Variants in MRNIP observed in about 807,000 individuals in gnomAD.
The protein encoded by MRNIP is MRN complex interacting protein.
A neutral mutation model predicts 29.8 loss-of-function variants in MRNIP; 30 were observed. That is an observed-to-expected ratio of 1.01 (90% CI 0.75 to 1.36). The LOEUF (loss-of-function observed/expected upper bound fraction) is 1.36, where lower values mean the gene tolerates loss of function less well. Ranked by LOEUF, MRNIP falls within the 40% of genes most tolerant of loss-of-function variation. MRNIP has a pLI of 0.00. For synonymous variants in MRNIP, 201 were observed against 164.1 expected (o/e 1.23, Z -1.72); for missense variants, 459 against 423.5 (o/e 1.08, Z -0.74).
chr5:179,843,059 A>AGGGAGGGAGGGAGGGAGGG (rs1758976134), intron 4 of MRNIP, among the ~76,000 whole-genome samples: 1 of 119,892 alleles, frequency 8.3e-6, no homozygotes, highest in Non-Finnish European at 1.8e-5. Context: ...GGAAGGAAGG[A>AGGGAGGGAGGGAGGGAGGG]AGGGAGGGAG....
At chr5:179,850,288 C>T (rs1759316816) in intron 2 of MRNIP, among the ~76,000 whole-genome samples, 3 of 152,246 alleles carry the variant, frequency 2.0e-5, no homozygotes, top group Admixed American at 2.0e-4. Flanking sequence ...ATGGCACAGG[C>T]AGAATCAGCT....
At chr5:179,849,115 C>T (rs1486145423) in intron 2 of MRNIP, among the ~76,000 whole-genome samples, 1 of 147,194 alleles carries the variant, frequency 6.8e-6, no homozygotes. Context: ...AATTTGAGAC[C>T]ATGGGTCCTG....
At chr5:179,849,017 T>G (rs1276782203) in intron 2 of MRNIP, among the ~76,000 whole-genome samples, 1 of 144,240 alleles carries the variant, frequency 6.9e-6, no homozygotes, top group Non-Finnish European at 1.5e-5. Context: ...TTTGAGACCA[T>G]GGGTCCTGCT....
rs750738928 is a variant in MRNIP, at chr5:179,848,021, T to G, written c.172A>C (p.Lys58Gln). Reference sequence around the variant, plus strand: ...ACTTGTCCCTGTAGTAGATTTAACTTTTGGACATGGCGTCTACAATCAGCA... The same window carrying G: ...ACTTGTCCCTGTAGTAGATTTAACTGTTGGACATGGCGTCTACAATCAGCA... Reference protein sequence around the residue: ...SGADCRRHVQKLNLLQGQVSE... With the variant: ...SGADCRRHVQQLNLLQGQVSE... Residue 58 changes from lysine to glutamine, a missense_variant, in exon 3 of 7, where the codon AAG (lysine) becomes CAG (glutamine). Coordinates refer to ENST00000292586, the MANE Select transcript of MRNIP (RefSeq NM_016175.4). 10 of 1,613,860 alleles carry G rather than the reference T, an allele frequency of 6.2e-6. No homozygotes were observed. The highest frequency in any genetic ancestry group is 8.5e-6 in the Non-Finnish European group (10 of 1,179,952).
chr5:179,843,241 C>T (rs1288077909), intron 4 of MRNIP, among the ~76,000 whole-genome samples: 8 of 152,080 alleles, frequency 5.3e-5, no homozygotes, highest in Admixed American at 4.6e-4. Context: ...GCCTGGGTGA[C>T]AGAGAGGGAC....
Position 179,844,313 on chromosome 5 carries a change from G to A in MRNIP, c.216-86C>T, listed in dbSNP as rs1759035939. 1.1e-5 allele frequency: 12 copies of A among 1,115,274 alleles called. No individual in the cohort carries two copies. In the Admixed American group the frequency reaches 2.1e-4, roughly 20 times the overall value. 69.1% of individuals were successfully genotyped at this position (1,115,274 alleles called of 1,614,324 possible). A position where few individuals can be genotyped will look rare whatever the true frequency, so the allele number is the denominator to read the frequency against. On this transcript the variant is annotated intron_variant, in intron 3 of 6. Transcript: ENST00000292586. ...CACTCCTGTAATCCCAGCACTTTGG[G>A]AGGCTGAGGCAGGTGGATCACCTGA... is the stretch of plus-strand genomic sequence containing the variant.
At position 179,847,978 on chromosome 5, in the gene MRNIP, C is replaced by G. The variant is rs1289547489; in HGVS notation, c.215G>C (p.Arg72Thr). 3 of 1,604,284 alleles carry G rather than the reference C, an allele frequency of 1.9e-6. No individual in the cohort carries two copies. The highest frequency in any genetic ancestry group is 4.5e-5 in the East Asian group (2 of 44,852). ...LQGQVSELPL[R>T]SLEETVSASE... ...CCACGCTCTTCTCAAACAACTGTAC[C>G]TGAGTGGCAGCTCTGAAACTTGTCC... The change falls in exon 3 of 7, where the codon AGG becomes ACG. Residue 72 changes from arginine to threonine, a missense_variant and splice_region_variant. Arg to Thr is a moderately conservative substitution (Grantham distance 71, BLOSUM62 -1). Transcript: ENST00000292586.
intron 1 of MRNIP, among the ~76,000 whole-genome samples, chr5:179,856,142 A>G (rs984352195): frequency 2.0e-5 from 3 of 151,724 alleles, no homozygotes; most frequent in African/African-American, 7.3e-5. Context: ...TCCTGACCTC[A>G]TGATCTGCCC....
chr5:179,852,995 C>G (rs1405456742), intron 2 of MRNIP, among the ~76,000 whole-genome samples: 1 of 152,192 alleles, frequency 6.6e-6, no homozygotes, highest in Non-Finnish European at 1.5e-5. Context: ...TCTCACAGTC[C>G]CCAGTGCTTT....
At chr5:179,852,782 C>T (rs1759423181) in intron 2 of MRNIP, among the ~76,000 whole-genome samples, 1 of 152,202 alleles carries the variant, frequency 6.6e-6, no homozygotes, top group South Asian at 2.1e-4. Flanking sequence ...GCAAAGGATG[C>T]AGGACAGTTT....
chr5:179,858,711 G>T lies in MRNIP; in HGVS notation c.66+20C>A. On this transcript the variant is annotated intron_variant, in intron 1 of 6. Coordinates refer to ENST00000292586, the MANE Select transcript of MRNIP (RefSeq NM_016175.4). ...TGTCCCCGCGCCGGAGGAGGAGGAG[G>T]GGGCTGGCACCCGCCAGACCTGGTG... 1 of 1,456,716 alleles carries T rather than the reference G, an allele frequency of 6.9e-7. No homozygotes were observed. The highest frequency in any genetic ancestry group is 9.2e-7 in the Non-Finnish European group (1 of 1,084,380). The allele number at this position is 1,456,716 out of a possible 1,614,324, so 90.2% of individuals were successfully genotyped here.
At chr5:179,853,320 C>T in intron 2 of MRNIP, 58 bp downstream of exon 2, 1 of 1,604,760 alleles carries the variant, frequency 6.2e-7, no homozygotes, top group Non-Finnish European at 8.5e-7. Flanking sequence ...GCTGGGACTC[C>T]CTGGAAGGGC....
chr5:179,851,442 G>C, intron 2 of MRNIP: 1 of 456,054 alleles, frequency 2.2e-6, no homozygotes, highest in Non-Finnish European at 4.4e-6. Flanking sequence ...GAAACAGAAA[G>C]GGAAGGAGAG....
chr5:179,847,198 C>T (rs1427043169), intron 3 of MRNIP: 6 of 109,126 alleles, frequency 5.5e-5, no homozygotes, highest in South Asian at 3.2e-4. Context: ...GAGATAGTCT[C>T]GTTCTGTCGC....
rs1380074659 is a variant in MRNIP, at chr5:179,842,083, A to T, written c.292-19T>A. 6 of 1,612,702 alleles carry T rather than the reference A, an allele frequency of 3.7e-6. No homozygotes were observed. The highest frequency in any genetic ancestry group is 4.2e-6 in the Non-Finnish European group (5 of 1,179,570). On this transcript the variant is annotated intron_variant, in intron 4 of 6. Transcript: ENST00000292586. ...ATTTTTCCTGCCAGATTGAGAAAAA[A>T]GTTGATTCTCAGTACTGGAAACCAG...
chr5:179,855,631 G>A (rs1182612566), intron 1 of MRNIP, among the ~76,000 whole-genome samples: 1 of 152,140 alleles, frequency 6.6e-6, no homozygotes, highest in African/African-American at 2.4e-5. Flanking sequence ...ATGTTACCAA[G>A]GGATACCAAG....
chr5:179,854,496 C>G (rs1759502863), intron 1 of MRNIP, among the ~76,000 whole-genome samples: 1 of 152,124 alleles, frequency 6.6e-6, no homozygotes, highest in African/African-American at 2.4e-5. Context: ...GAAACACAAT[C>G]AAATTGGGCT....
intron 6 of MRNIP, chr5:179,839,980 T>G (rs1456694688): frequency 6.7e-6 from 1 of 148,588 alleles, no homozygotes; most frequent in African/African-American, 2.5e-5. Flanking sequence ...TTTTTTTTTC[T>G]GTTGCCCAGG....
At chr5:179,839,266 A>G (rs991596705) in intron 6 of MRNIP, 1 of 151,932 alleles carries the variant, frequency 6.6e-6, no homozygotes, top group Non-Finnish European at 1.5e-5. Context: ...AAAAAAAAAA[A>G]ACAACAGTTG....
Sources: allele counts gnomAD v4.1 joint callset (sites outside exome capture counted in the v4.1 genomes callset), GRCh38; gene constraint gnomAD v4.1.1; transcripts MANE v1.5; gene names NCBI Gene and HGNC (gene_info 2026-07-23, HGNC 2026-07-21).